TBL1X: variants seen among roughly 807,000 people sequenced by gnomAD.
The protein encoded by TBL1X is transducin beta like 1 X-linked, also known as F-box-like/WD repeat-containing protein TBL1X.
In TBL1X, 10 loss-of-function variants were observed where a neutral mutation model predicts 50.7. The ratio of observed to expected loss-of-function variants is 0.20; its 90% confidence interval spans 0.12 to 0.33. The LOEUF (loss-of-function observed/expected upper bound fraction) is 0.33. Ranked by LOEUF, TBL1X falls within the 10% of genes least tolerant of loss-of-function variation. TBL1X has a pLI of 1.00. For missense variants in TBL1X, 340 were observed against 504.4 expected, an observed-to-expected ratio of 0.67 and a Z score of 3.12; for synonymous variants, 190 against 214.7, an observed-to-expected ratio of 0.88 and a Z score of 1.01.
intron 2 of TBL1X, among the ~76,000 whole-genome samples, chrX:9,638,952 AATCAAG>A (rs1172100976): frequency 2.7e-5 from 3 of 111,376 alleles, no homozygotes; most frequent in Non-Finnish European, 3.8e-5. Flanking sequence ...TTATAAGCAA[AATCAAG>A]ATTCCTTTGT....
At chrX:9,583,386 A>G (rs1289776984) in intron 2 of TBL1X, among the ~76,000 whole-genome samples, 1 of 112,254 alleles carries the variant, frequency 8.9e-6, no homozygotes, top group African/African-American at 3.2e-5. Context: ...CTTTTACTAT[A>G]TAAGGTCATA....
At chrX:9,614,488 G>C (rs2082630121) in intron 2 of TBL1X, among the ~76,000 whole-genome samples, 1 of 111,275 alleles carries the variant, frequency 9.0e-6, no homozygotes, top group Admixed American at 9.6e-5. Flanking sequence ...TTGAGTCCAG[G>C]AATTTGAGGC....
Position 9,509,083 on chromosome X carries a change from T to G in TBL1X, c.-131+7234T>G, listed in dbSNP as rs761920908. On this transcript the variant is annotated intron_variant, in intron 2 of 17. Coordinates refer to ENST00000645353, the MANE Select transcript of TBL1X (RefSeq NM_005647.4). Reference sequence around the variant, plus strand: ...TGCGCATGTATCCTGTTTTTTTTGTTTTTTTTTTGTTTTTTTAGAAAAAGC... The same window carrying G: ...TGCGCATGTATCCTGTTTTTTTTGTGTTTTTTTTGTTTTTTTAGAAAAAGC... Among the ~76,000 whole-genome samples, 10 of 21,535 alleles carry G rather than the reference T, an allele frequency of 4.6e-4. No homozygotes were observed. The South Asian group carries it at 8.0e-3, about 17-fold the overall frequency. 18.7% of individuals were successfully genotyped at this position (21,535 alleles called of 115,157 possible). A position where few individuals can be genotyped will look rare whatever the true frequency, so the allele number is the denominator to read the frequency against.
intron 2 of TBL1X, among the ~76,000 whole-genome samples, chrX:9,530,139 G>T (rs997523141): frequency 9.0e-6 from 1 of 111,618 alleles, no homozygotes; most frequent in East Asian, 2.8e-4. Context: ...AAACAGGAGA[G>T]CCCTGTTATT....
intron 2 of TBL1X, among the ~76,000 whole-genome samples, chrX:9,554,860 T>G (rs2082287804): frequency 9.0e-6 from 1 of 111,458 alleles, no homozygotes; most frequent in Non-Finnish European, 1.9e-5. Flanking sequence ...TTTAGAACAT[T>G]GTCATCACTC....
intron 2 of TBL1X, among the ~76,000 whole-genome samples, chrX:9,555,508 G>A (rs1416313881): frequency 9.0e-6 from 1 of 111,675 alleles, no homozygotes; most frequent in Non-Finnish European, 1.9e-5. Context: ...GTGAGCCCTC[G>A]TGTACAGGTG....
At chrX:9,575,966 C>G (rs958641523) in intron 2 of TBL1X, among the ~76,000 whole-genome samples, 2 of 111,734 alleles carry the variant, frequency 1.8e-5, no homozygotes, top group Admixed American at 1.9e-4. Context: ...GAGAATCTTT[C>G]AAAAACATTA....
intron 5 of TBL1X, among the ~76,000 whole-genome samples, chrX:9,681,070 A>G (rs1412852666): frequency 8.9e-6 from 1 of 112,285 alleles, no homozygotes; most frequent in African/African-American, 3.2e-5. Context: ...GTAGAGAGAT[A>G]AAGTTATACA....
chrX:9,715,100 G>A, intron 17 of TBL1X, 97 bp downstream of exon 17: 2 of 854,770 alleles, frequency 2.3e-6, no homozygotes, highest in Non-Finnish European at 3.3e-6. Context: ...TGTCCTGAAG[G>A]GCCTAGCCCA....
At chrX:9,556,901 T>G (rs1020585424) in intron 2 of TBL1X, among the ~76,000 whole-genome samples, 4 of 110,705 alleles carry the variant, frequency 3.6e-5, no homozygotes, top group Non-Finnish European at 5.7e-5. Flanking sequence ...CAGCACTGCT[T>G]GTTCGAGTCT....
intron 2 of TBL1X, among the ~76,000 whole-genome samples, chrX:9,635,364 C>T (rs781282759): frequency 1.8e-5 from 2 of 109,867 alleles, no homozygotes; most frequent in South Asian, 7.9e-4. Context: ...AATACAGAAA[C>T]GTGATGCCAA....
chrX:9,533,193 G>T (rs1010693876), intron 2 of TBL1X, among the ~76,000 whole-genome samples: 1 of 111,896 alleles, frequency 8.9e-6, no homozygotes. Flanking sequence ...AAAAGGAAGG[G>T]AGTTGAAAGC....
intron 1 of TBL1X, among the ~76,000 whole-genome samples, chrX:9,490,689 T>C (rs993866457): frequency 2.5e-4 from 28 of 112,185 alleles, no homozygotes; most frequent in African/African-American, 9.1e-4. Flanking sequence ...TCGCAGATAG[T>C]TGTGTGGAGA....
intron 2 of TBL1X, among the ~76,000 whole-genome samples, chrX:9,543,910 T>A (rs777874909): frequency 4.5e-5 from 5 of 111,008 alleles, no homozygotes; most frequent in Admixed American, 9.6e-5. Context: ...CACAGAACAT[T>A]CTCTGCAGAT....
intron 2 of TBL1X, among the ~76,000 whole-genome samples, chrX:9,546,943 C>T (rs755650324): frequency 9.7e-4 from 100 of 102,827 alleles, no homozygotes; most frequent in African/African-American, 3.3e-3. Flanking sequence ...CTCAGCCTCC[C>T]GAGTAGCTGG....
At chrX:9,475,117 G>A (rs943782110) in intron 1 of TBL1X, among the ~76,000 whole-genome samples, 10 of 111,964 alleles carry the variant, frequency 8.9e-5, no homozygotes, top group African/African-American at 1.9e-4. Context: ...CAGGTGATCC[G>A]CCCACCTTGG....
chrX:9,515,860 G>A (rs1342111884), intron 2 of TBL1X, among the ~76,000 whole-genome samples: 2 of 111,554 alleles, frequency 1.8e-5, no homozygotes, highest in African/African-American at 3.3e-5. Flanking sequence ...GGCTTTAGGC[G>A]GGTAAGAGGT....
chrX:9,607,229 TG>T (rs1365495149), intron 2 of TBL1X, among the ~76,000 whole-genome samples: 2 of 112,804 alleles, frequency 1.8e-5, no homozygotes, highest in East Asian at 5.6e-4. Flanking sequence ...TTGAGGCCTG[TG>T]AGGTTTGAAC....
chrX:9,642,275 G>A (rs2082779590), intron 3 of TBL1X, among the ~76,000 whole-genome samples: 1 of 111,453 alleles, frequency 9.0e-6, no homozygotes, highest in Non-Finnish European at 1.9e-5. Flanking sequence ...TGTAGCCTTT[G>A]ATAACTTGTA....
Sources: gnomAD v4.1 joint callset for allele counts (sites outside exome capture counted in the v4.1 genomes callset) on GRCh38, gnomAD v4.1.1 for gene constraint, MANE v1.5 for transcripts, NCBI Gene and HGNC (gene_info 2026-07-23, HGNC 2026-07-21) for gene names.